Variants in IL23R observed in about 807,000 individuals in gnomAD.
IL23R encodes interleukin 23 receptor.
IL23R carries 34 observed loss-of-function variants against 56.9 expected under a neutral mutation model. The observed-to-expected ratio is 0.60, with a 90% CI of 0.45 to 0.80. IL23R has a LOEUF of 0.80. IL23R is among the 30% of genes least tolerant of loss of function. The pLI, the probability that IL23R is intolerant of heterozygous loss-of-function variation, is 0.00. For missense variants in IL23R, 635 were observed against 730.0 expected, an observed-to-expected ratio of 0.87 and a Z score of 1.50; for synonymous variants, 230 against 249.2, an observed-to-expected ratio of 0.92 and a Z score of 0.73.
chr1:67,216,494 A>G lies in IL23R; in HGVS notation c.799-3080A>G, dbSNP rs1230001288. On this transcript the variant is annotated intron_variant, in intron 6 of 10. Coordinates refer to ENST00000347310, the MANE Select transcript of IL23R (RefSeq NM_144701.3). ...ACTTTTTATTCAAGGGCCAAATGGTAAACATTTTAGGCTTTGCAGAACATA... is the reference window on the plus strand; with the variant it reads ...ACTTTTTATTCAAGGGCCAAATGGTGAACATTTTAGGCTTTGCAGAACATA... Among the ~76,000 whole-genome samples the G allele has an allele frequency of 2.0e-5, 3 of 152,332 alleles. No individual in the cohort carries two copies. In the East Asian group the frequency reaches 5.8e-4, roughly 29 times the overall value.
intron 7 of IL23R, among the ~76,000 whole-genome samples, chr1:67,233,929 CTGTG>C (rs57455484): frequency 0.19 from 26,097 of 138,526 alleles, 2,544 homozygotes; most frequent in Non-Finnish European, 0.23. Context: ...GTCATAAAGG[CTGTG>C]TGTGTGTGTG....
At chr1:67,175,494 C>T (rs1241374533) in intron 3 of IL23R, among the ~76,000 whole-genome samples, 1 of 152,144 alleles carries the variant, frequency 6.6e-6, no homozygotes, top group African/African-American at 2.4e-5. Context: ...AAACAAATAT[C>T]CACTTCCCTC....
At chr1:67,189,931 T>A (rs1647621960) in intron 4 of IL23R, among the ~76,000 whole-genome samples, 1 of 151,540 alleles carries the variant, frequency 6.6e-6, no homozygotes, top group South Asian at 2.1e-4. Flanking sequence ...CCAGACCCTG[T>A]CTCAAAAAAA....
Position 67,258,946 on chromosome 1 carries a change from G to C in IL23R, c.1708G>C (p.Glu570Gln), listed in dbSNP as rs1344309440. The change falls in exon 11 of 11, where the codon GAA becomes CAA. Residue 570 changes from glutamate (E) to glutamine (Q), a missense_variant. By Grantham distance (29) the Glu-to-Gln change is conservative. Transcript: ENST00000347310. ...SPDIQNSVEEETTMLLENDSP... is the reference protein window; with the variant it reads ...SPDIQNSVEEQTTMLLENDSP... Reference sequence around the variant, plus strand: ...TGACATACAAAACTCAGTAGAGGAGGAAACCACCATGCTTTTGGAAAATGA... The same window carrying C: ...TGACATACAAAACTCAGTAGAGGAGCAAACCACCATGCTTTTGGAAAATGA... 1 of 1,613,956 alleles carries C rather than the reference G, an allele frequency of 6.2e-7. No homozygotes were observed. The highest frequency in any genetic ancestry group is 8.5e-7 in the Non-Finnish European group (1 of 1,180,014).
intron 3 of IL23R, among the ~76,000 whole-genome samples, chr1:67,171,517 A>T (rs1646943626): frequency 6.6e-6 from 1 of 152,232 alleles, no homozygotes; most frequent in African/African-American, 2.4e-5. Context: ...AGAAATTTTT[A>T]TAAAAACTAC....
intron 1 of IL23R, among the ~76,000 whole-genome samples, chr1:67,149,329 G>C (rs1278496613): frequency 6.6e-6 from 1 of 152,172 alleles, no homozygotes; most frequent in African/African-American, 2.4e-5. Flanking sequence ...CAGATTTGCA[G>C]TGAGAAAGAA....
chr1:67,254,492 T>C (rs1239383546), intron 9 of IL23R, among the ~76,000 whole-genome samples: 2 of 152,036 alleles, frequency 1.3e-5, no homozygotes, highest in African/African-American at 2.4e-5. Flanking sequence ...TTTACTAATT[T>C]GGTCTAATTT....
chr1:67,205,899 C>CTTTCTT (rs1553291027), intron 5 of IL23R, among the ~76,000 whole-genome samples: 3 of 123,362 alleles, frequency 2.4e-5, no homozygotes, highest in Admixed American at 1.9e-4. Flanking sequence ...TTCTTTCTTT[C>CTTTCTT]TTTCTTTCTT....
chr1:67,255,899 A>T lies in IL23R; in HGVS notation c.1211A>T (p.Lys404Ile). ...KWLYEDIPNM[K>I]NSNVVKMLQE... ...CTTTATGAAGATATTCCTAATATGA[A>T]AAACAGCAATGTTGTGAAAATGCTA... is the stretch of plus-strand genomic sequence containing the variant. The change falls in exon 10 of 11, where the codon AAA becomes ATA. Residue 404 changes from lysine (K) to isoleucine (I), a missense_variant. Transcript: ENST00000347310. The T allele has an allele frequency of 6.2e-7, 1 of 1,601,772 alleles. No individual in the cohort carries two copies.
intron 7 of IL23R, among the ~76,000 whole-genome samples, chr1:67,235,112 G>A (rs1318561935): frequency 6.6e-6 from 1 of 152,186 alleles, no homozygotes; most frequent in African/African-American, 2.4e-5. Flanking sequence ...CTGACTGTTG[G>A]CCATCAGGGC....
intron 7 of IL23R, among the ~76,000 whole-genome samples, chr1:67,226,052 C>G (rs976944601): frequency 6.6e-6 from 1 of 152,190 alleles, no homozygotes; most frequent in Non-Finnish European, 1.5e-5. Context: ...TCATGTGGCT[C>G]ATCTATTCTG....
chr1:67,179,435 T>C (rs1173106106), intron 3 of IL23R, among the ~76,000 whole-genome samples: 1 of 152,198 alleles, frequency 6.6e-6, no homozygotes, highest in African/African-American at 2.4e-5. Flanking sequence ...CTGATGGTAG[T>C]TTGTATTTCT....
At chr1:67,220,121 C>A (rs1160437153) in intron 7 of IL23R, among the ~76,000 whole-genome samples, 10 of 152,246 alleles carry the variant, frequency 6.6e-5, no homozygotes, top group African/African-American at 2.2e-4. Flanking sequence ...GTAATCCCAG[C>A]ACTTTGGGAG....
chr1:67,242,456 G>A (rs1570913000), intron 9 of IL23R, among the ~76,000 whole-genome samples: 2 of 152,164 alleles, frequency 1.3e-5, no homozygotes, highest in East Asian at 3.8e-4. Context: ...AAAGTTAAGA[G>A]TCTCATGATA....
intron 5 of IL23R, among the ~76,000 whole-genome samples, chr1:67,202,188 T>C (rs1648687508): frequency 6.6e-6 from 1 of 152,124 alleles, no homozygotes; most frequent in Admixed American, 6.5e-5. Context: ...TATTGAGCAC[T>C]TTCTTATGTG....
chr1:67,201,265 A>C (rs924470340), intron 5 of IL23R, among the ~76,000 whole-genome samples: 2 of 151,906 alleles, frequency 1.3e-5, no homozygotes, highest in African/African-American at 4.8e-5. Context: ...AAAATTAGCC[A>C]GGCATGGTGG....
At chr1:67,183,901 AC>A (rs1210781847) in intron 4 of IL23R, among the ~76,000 whole-genome samples, 2 of 152,146 alleles carry the variant, frequency 1.3e-5, no homozygotes, top group Non-Finnish European at 2.9e-5. Flanking sequence ...CAAGTTGCTT[AC>A]CTTATCCGTG....
At chr1:67,181,740 T>A (rs143820921) in intron 3 of IL23R, among the ~76,000 whole-genome samples, 1,610 of 146,430 alleles carry the variant, frequency 0.011, 18 homozygotes, top group Non-Finnish European at 0.018. Context: ...TTTTCTGCTC[T>A]GTTCTTTCCC....
At chr1:67,215,104 A>G (rs532436304) in intron 6 of IL23R, among the ~76,000 whole-genome samples, 1 of 152,248 alleles carries the variant, frequency 6.6e-6, no homozygotes, top group South Asian at 2.1e-4. Context: ...AAGGACAGAA[A>G]TTGTGCATTC....
Sources: gnomAD v4.1 joint callset for allele counts (sites outside exome capture counted in the v4.1 genomes callset) on GRCh38, gnomAD v4.1.1 for gene constraint, MANE v1.5 for transcripts, NCBI Gene and HGNC (gene_info 2026-07-23, HGNC 2026-07-21) for gene names.